Variants in ZNF653 observed in about 807,000 individuals in gnomAD.
ZNF653 encodes the protein 67 kDa zinc finger protein.
Under a neutral mutation model 59.9 loss-of-function variants are expected in ZNF653, and 37 were observed. That is an observed-to-expected ratio of 0.62 (90% confidence interval 0.48 to 0.81). The LOEUF (loss-of-function observed/expected upper bound fraction) is 0.81, where lower values mean the gene tolerates loss of function less well. Ranked by LOEUF, ZNF653 falls within the 40% of genes least tolerant of loss-of-function variation. The pLI, the probability that ZNF653 is intolerant of heterozygous loss-of-function variation, is 0.00. For synonymous variants in ZNF653, 435 were observed against 371.8 expected (o/e 1.17, Z -1.96); for missense variants, 808 against 881.1 (o/e 0.92, Z 1.05).
rs1971428475 is a variant in ZNF653, at chr19:11,483,505, A to G, written c.*177T>C. 4 of 1,399,254 alleles carry G rather than the reference A, an allele frequency of 2.9e-6. No homozygotes were observed. Among genetic ancestry groups the G allele is most frequent in the Admixed American group, 3.2e-5 (1 of 31,550 alleles). 86.7% of individuals were successfully genotyped at this position (1,399,254 alleles called of 1,614,324 possible). ...TGCAGCCCCAGGCACCAGCTCCGAG[A>G]AGGATGCGGTGGGGCGGGGTGGGGA... is the stretch of plus-strand genomic sequence containing the variant. On this transcript the variant is annotated 3_prime_UTR_variant, in exon 9 of 9. Coordinates refer to ENST00000293771, the MANE Select transcript of ZNF653 (RefSeq NM_138783.4).
In ZNF653 at chr19:11,497,502, G is replaced by A. The variant is rs72992993; in HGVS notation, c.343+794C>T. 2.0e-3 allele frequency among the ~76,000 whole-genome samples: 298 copies of A among 152,268 alleles called. 1 individual carries two copies. Among genetic ancestry groups the A allele is most frequent in the Middle Eastern group, 3.4e-3 (1 of 294 alleles). On this transcript the variant is annotated intron_variant, in intron 2 of 8. Transcript: ENST00000293771. Reference sequence around the variant, plus strand: ...GGGGAGAATAAGGGATTCCCATCCCGGAGGGCTGCCAGGCAGGAGGAAGGG... The same window carrying A: ...GGGGAGAATAAGGGATTCCCATCCCAGAGGGCTGCCAGGCAGGAGGAAGGG...
intron 3 of ZNF653, among the ~76,000 whole-genome samples, chr19:11,492,677 A>G (rs1003539940): frequency 6.6e-6 from 1 of 152,104 alleles, no homozygotes; most frequent in African/African-American, 2.4e-5. Flanking sequence ...TATCCTGCTT[A>G]CAATCCGCTT....
At position 11,491,608 on chromosome 19, in the gene ZNF653, G is replaced by A. The variant is rs142821166; in HGVS notation, c.560-3705C>T. Among the ~76,000 whole-genome samples, 346 of 150,164 alleles carry A rather than the reference G, an allele frequency of 2.3e-3. 1 individual carries two copies. The highest frequency in any genetic ancestry group is 8.0e-3 in the African/African-American group (328 of 40,762). On this transcript the variant is annotated intron_variant, in intron 3 of 8. Coordinates refer to ENST00000293771, the MANE Select transcript of ZNF653 (RefSeq NM_138783.4). ...GCTTGAATCCTCTTTTTTTTTTTGAGATGGAGTCTCGCTCTGTCGCCCAGG... is the reference window on the plus strand; with the variant it reads ...GCTTGAATCCTCTTTTTTTTTTTGAAATGGAGTCTCGCTCTGTCGCCCAGG...
rs1322464170 is a variant in ZNF653, at chr19:11,483,707, C to A, written c.1823G>T (p.Ser608Ile). 2 of 1,613,434 alleles carry A rather than the reference C, an allele frequency of 1.2e-6. No homozygotes were observed. The highest frequency in any genetic ancestry group is 3.3e-5 in the Admixed American group (2 of 59,990). Residue 608 changes from serine to isoleucine, a missense_variant, in exon 9 of 9, where the codon AGC becomes ATC. Physicochemically the swap from Ser to Ile is moderately radical, Grantham distance 142 (BLOSUM62 -2). Transcript: ENST00000293771. ...TCAGGTGGGCTTGTGATCCGGGTGG[C>A]TTTTGAGCGTGTGGAACTTGACGCT... ...LDSVKFHTLK[S>I]HPDHKPT
intron 1 of ZNF653, chr19:11,504,703 AT>A: frequency 3.1e-6 from 1 of 325,220 alleles, no homozygotes; most frequent in Non-Finnish European, 4.4e-6. Context: ...GTGATACGGA[AT>A]AAACGTCATC....
Position 11,495,919 on chromosome 19 carries a change from C to A in ZNF653, c.559+31G>T. ...GTAAGAAGCCCCCAGAAATGGGCGGCCCCCTATGTGCCCTCGCCCTGCAGA... is the reference window on the plus strand; with the variant it reads ...GTAAGAAGCCCCCAGAAATGGGCGGACCCCTATGTGCCCTCGCCCTGCAGA... On this transcript the variant is annotated intron_variant, in intron 3 of 8. Coordinates refer to ENST00000293771, the MANE Select transcript of ZNF653 (RefSeq NM_138783.4). This position sits in a 1 kb window ranked among gnomAD's most constrained non-coding sequence, Gnocchi z 4.9. 1 of 1,598,474 alleles carries A rather than the reference C, an allele frequency of 6.3e-7. No homozygotes were observed. The highest frequency in any genetic ancestry group is 8.5e-7 in the Non-Finnish European group (1 of 1,171,368).
At chr19:11,490,414 C>G (rs967595847) in intron 3 of ZNF653, among the ~76,000 whole-genome samples, 1 of 152,034 alleles carries the variant, frequency 6.6e-6, no homozygotes, top group East Asian at 1.9e-4. Flanking sequence ...TGAGACAGAG[C>G]CTTGCTCTGT....
At chr19:11,503,468 A>C (rs899470772) in intron 1 of ZNF653, among the ~76,000 whole-genome samples, 6 of 152,128 alleles carry the variant, frequency 3.9e-5, no homozygotes, top group African/African-American at 1.4e-4. Context: ...CGTAGCCCCT[A>C]TCTCTCATGG....
Position 11,487,998 on chromosome 19 carries a change from A to C in ZNF653, c.560-95T>G. 8.9e-7 allele frequency: 1 copy of C among 1,125,652 alleles called. No homozygotes were observed. Among genetic ancestry groups the C allele is most frequent in the Non-Finnish European group, 1.1e-6 (1 of 896,876 alleles). 69.7% of individuals were successfully genotyped at this position (1,125,652 alleles called of 1,614,324 possible). A position where few individuals can be genotyped will look rare whatever the true frequency, so the allele number is the denominator to read the frequency against. On this transcript the variant is annotated intron_variant, in intron 3 of 8. Coordinates refer to ENST00000293771, the MANE Select transcript of ZNF653 (RefSeq NM_138783.4). This position sits in a 1 kb window ranked among gnomAD's most constrained non-coding sequence, Gnocchi z 5.1. ...TTTTATTTTATTTATTTATTTATTTATTTTTTTGAGACAGAGTCTCACTCT... is the reference window on the plus strand; with the variant it reads ...TTTTATTTTATTTATTTATTTATTTCTTTTTTTGAGACAGAGTCTCACTCT...
Position 11,485,678 on chromosome 19 carries a change from C to T in ZNF653, c.1548G>A (p.Arg516=), listed in dbSNP as rs367864120. ...GKKFYLSNHL[R]RHMIIHSGVR... ...GACCTGAATGGATGATCATGTGCCG[C>T]CGCAGGTGGTTGGATAAATAGAACT... The change falls in exon 7 of 9, where the codon CGG becomes CGA. Residue 516 remains arginine (R), a synonymous_variant. Coordinates refer to ENST00000293771, the MANE Select transcript of ZNF653 (RefSeq NM_138783.4). The T allele has an allele frequency of 6.8e-6, 11 of 1,613,940 alleles. No individual in the cohort carries two copies. The highest frequency in any genetic ancestry group is 1.3e-5 in the African/African-American group (1 of 74,916).
At chr19:11,494,327 G>GATAACATGAC (rs1971559565) in intron 3 of ZNF653, among the ~76,000 whole-genome samples, 2 of 139,554 alleles carry the variant, frequency 1.4e-5, no homozygotes, top group East Asian at 4.3e-4. Context: ...GTCTCAAAAA[G>GATAACATGAC]ATAACATAAC....
At chr19:11,499,707 T>C (rs1971624746) in intron 1 of ZNF653, among the ~76,000 whole-genome samples, 1 of 150,746 alleles carries the variant, frequency 6.6e-6, no homozygotes, top group African/African-American at 2.4e-5. Flanking sequence ...AGGCCAGAAG[T>C]TGGAGACCAG....
At position 11,485,639 on chromosome 19, in the gene ZNF653, C is replaced by G. The variant is rs1200482391; in HGVS notation, c.1570+17G>C. 1 of 1,604,910 alleles carries G rather than the reference C, an allele frequency of 6.2e-7. No homozygotes were observed. Among genetic ancestry groups the G allele is most frequent in the East Asian group, 2.2e-5 (1 of 44,820 alleles). ...CTGTGTCCCCCGCTCATGCTGCCAG[C>G]TGGCCCAGGGCCTGACCTGAATGGA... is the stretch of plus-strand genomic sequence containing the variant. On this transcript the variant is annotated intron_variant, in intron 7 of 8. Coordinates refer to ENST00000293771, the MANE Select transcript of ZNF653 (RefSeq NM_138783.4).
Position 11,505,750 on chromosome 19 carries a change from C to T in ZNF653, c.37G>A (p.Glu13Lys). ...TCCCCGCCCGCGCCCGCCTCAGCCT[C>T]CGCCTCCGCCTCGGGCTCTAGCGCC... ...ERALEPEAEAEAEAGAGGEAA... is the reference protein window; with the variant it reads ...ERALEPEAEAKAEAGAGGEAA... Residue 13 changes from glutamate (E) to lysine (K), a missense_variant, in exon 1 of 9, where the codon GAG (glutamate) becomes AAG (lysine). Glu to Lys is a moderately conservative substitution (Grantham distance 56, BLOSUM62 1). Transcript: ENST00000293771. 1 of 1,439,318 alleles carries T rather than the reference C, an allele frequency of 6.9e-7. No individual in the cohort carries two copies. The highest frequency in any genetic ancestry group is 9.0e-7 in the Non-Finnish European group (1 of 1,106,620). The allele number at this position is 1,439,318 out of a possible 1,614,324, so 89.2% of individuals were successfully genotyped here. A position where few individuals can be genotyped will look rare whatever the true frequency, so the allele number is the denominator to read the frequency against.
intron 8 of ZNF653, 50 bp from the exon 9 acceptor site, chr19:11,483,909 G>A (rs1196175386): frequency 6.6e-7 from 1 of 1,516,590 alleles, no homozygotes; most frequent in Non-Finnish European, 8.9e-7. Flanking sequence ...GGGCGGGGCG[G>A]GGCGGGGCCC....
At position 11,487,700 on chromosome 19, in the gene ZNF653, C is replaced by A. The variant is rs770525382; in HGVS notation, c.763G>T (p.Ala255Ser). Residue 255 changes from alanine to serine, a missense_variant, in exon 4 of 9, where the codon GCC (alanine) becomes TCC (serine). Physicochemically the swap from Ala to Ser is moderately conservative, Grantham distance 99 (BLOSUM62 1). Transcript: ENST00000293771. The surrounding 1 kb of genome is among the most constrained non-coding windows in gnomAD (Gnocchi z 5.1). ...PFDVHHVESL[A>S]EQGTPLCSNP... ...GAGCACAGCGGGGTACCCTGCTCGG[C>A]CAGGCTTTCCACGTGGTGGACGTCA... The A allele has an allele frequency of 3.7e-6, 6 of 1,613,682 alleles. No individual in the cohort carries two copies. The Admixed American group carries it at 5.0e-5, about 13-fold the overall frequency.
In ZNF653 at chr19:11,487,049, C is replaced by T; in HGVS notation, c.1281G>A (p.Gly427=). 1 of 1,614,162 alleles carries T rather than the reference C, an allele frequency of 6.2e-7. No homozygotes were observed. Among genetic ancestry groups the T allele is most frequent in the Non-Finnish European group, 8.5e-7 (1 of 1,180,016 alleles). Residue 427 remains glycine (G), a synonymous_variant, in exon 5 of 9, where the codon GGG becomes GGA. Coordinates refer to ENST00000293771, the MANE Select transcript of ZNF653 (RefSeq NM_138783.4). The surrounding 1 kb of genome is among the most constrained non-coding windows in gnomAD (Gnocchi z 5.1). ...ACATGTCGCTGCCGTCCAGCTCCTC[C>T]CCGTCCGCCTCTGCCTCAGGCTCTG... The part of the protein sequence containing the change: ...ESAEPEAEAD[G]EELDGSDMSA...
chr19:11,491,651 G>A (rs564819307), intron 3 of ZNF653, among the ~76,000 whole-genome samples: 4 of 151,570 alleles, frequency 2.6e-5, no homozygotes, highest in South Asian at 4.2e-4. Context: ...GCAGTGGCAC[G>A]ATCTTGGCTC....
intron 6 of ZNF653, among the ~76,000 whole-genome samples, chr19:11,486,505 A>T (rs1351716928): frequency 2.0e-5 from 3 of 152,122 alleles, no homozygotes; most frequent in Admixed American, 6.5e-5. Flanking sequence ...TTCACTCTTT[A>T]ACTTACTAGA....
Sources: allele counts gnomAD v4.1 joint callset (sites outside exome capture counted in the v4.1 genomes callset), GRCh38; gene constraint gnomAD v4.1.1; non-coding constraint Gnocchi (gnomAD v3.1); transcripts MANE v1.5; gene names NCBI Gene and HGNC (gene_info 2026-07-23, HGNC 2026-07-21).